Variants in GGTA1 observed in about 807,000 individuals in gnomAD.
GGTA1 encodes the protein glycoprotein alpha-galactosyltransferase 1 (inactive), also known as inactive N-acetyllactosaminide alpha-1,3-galactosyltransferase.
Under a neutral mutation model 2.6 loss-of-function variants are expected in GGTA1, and 5 were observed. The ratio of observed to expected loss-of-function variants is 1.92; its 90% CI spans 1.00 to 4.04. The LOEUF (loss-of-function observed/expected upper bound fraction) is 4.04. GGTA1 is among the 30% of genes most tolerant of loss of function. The pLI, the probability that GGTA1 is intolerant of heterozygous loss-of-function variation, is 0.00. For missense variants in GGTA1, 50 were observed against 16.7 expected (o/e 2.99, Z -3.47); for synonymous variants, 17 against 5.0 (o/e 3.38, Z -3.19).
chr9:121,459,412 G>T (rs529061337), intron 5 of GGTA1, among the ~76,000 whole-genome samples: 1 of 152,078 alleles, frequency 6.6e-6, no homozygotes, highest in East Asian at 1.9e-4. Context: ...CTCCAGCCTG[G>T]GTGACAGAGC....
chr9:121,496,950 T>C (rs575792641), intron 1 of GGTA1, among the ~76,000 whole-genome samples: 7 of 152,118 alleles, frequency 4.6e-5, no homozygotes, highest in African/African-American at 1.4e-4. Flanking sequence ...CCTACCACTT[T>C]GGGAGGCGGA....
At chr9:121,490,363 G>T (rs2118764984) in intron 1 of GGTA1, among the ~76,000 whole-genome samples, 1 of 152,246 alleles carries the variant, frequency 6.6e-6, no homozygotes, top group South Asian at 2.1e-4. Flanking sequence ...CACTCTGAAT[G>T]CACCCGATCT....
chr9:121,473,866 C>T (rs1016397315), intron 1 of GGTA1, among the ~76,000 whole-genome samples: 2 of 143,810 alleles, frequency 1.4e-5, no homozygotes, highest in Non-Finnish European at 3.0e-5. Flanking sequence ...TGCAGTGAGC[C>T]GTGATCAAGC....
At chr9:121,488,772 G>A (rs1282990487) in intron 1 of GGTA1, among the ~76,000 whole-genome samples, 1 of 152,154 alleles carries the variant, frequency 6.6e-6, no homozygotes, top group African/African-American at 2.4e-5. Flanking sequence ...AGCCAGGCAT[G>A]GTGGTGCATG....
chr9:121,455,239 T>C lies in GGTA1; in HGVS notation c.*598A>G, dbSNP rs374034721. ...CACCCACACAGCTGTCTTATACTTC[T>C]GTAACCATTTCTGAACTTAAAACTC... On this transcript the variant is annotated 3_prime_UTR_variant, in exon 6 of 6. Coordinates refer to ENST00000481799, the MANE Select transcript of GGTA1 (RefSeq NM_001382585.1). 6.6e-6 allele frequency: 1 copy of C among 152,224 alleles called. No homozygotes were observed. Among genetic ancestry groups the C allele is most frequent in the South Asian group, 2.1e-4 (1 of 4,828 alleles). 9.4% of individuals were successfully genotyped at this position (152,224 alleles called of 1,614,324 possible).
intron 1 of GGTA1, among the ~76,000 whole-genome samples, chr9:121,469,389 G>A (rs1383109399): frequency 6.6e-6 from 1 of 152,216 alleles, no homozygotes; most frequent in Admixed American, 6.5e-5. Context: ...CTGGATCCAA[G>A]GAGGGGTGCT....
intron 1 of GGTA1, among the ~76,000 whole-genome samples, chr9:121,489,159 G>A (rs1191902143): frequency 1.3e-5 from 2 of 151,994 alleles, no homozygotes; most frequent in Non-Finnish European, 2.9e-5. Context: ...AGGAACAAAG[G>A]TAATCATAAA....
chr9:121,469,627 A>G (rs1357382199), intron 1 of GGTA1, among the ~76,000 whole-genome samples: 1 of 152,172 alleles, frequency 6.6e-6, no homozygotes, highest in Non-Finnish European at 1.5e-5. Flanking sequence ...TGTATTGCAT[A>G]CATGTTTTTT....
intron 1 of GGTA1, among the ~76,000 whole-genome samples, chr9:121,477,530 C>A (rs564718417): frequency 1.3e-5 from 2 of 151,636 alleles, no homozygotes; most frequent in South Asian, 4.2e-4. Flanking sequence ...TTCTCATATT[C>A]CAGATACTTA....
intron 3 of GGTA1, chr9:121,462,792 C>G (rs1360100407): frequency 2.0e-5 from 3 of 152,560 alleles, no homozygotes. Context: ...CAGTTAAGTG[C>G]AATACTTTGT....
At chr9:121,494,364 C>T (rs900779275) in intron 1 of GGTA1, among the ~76,000 whole-genome samples, 4 of 152,240 alleles carry the variant, frequency 2.6e-5, no homozygotes, top group African/African-American at 7.2e-5. Flanking sequence ...TGGAAACTCT[C>T]ATGGCCGGGT....
At chr9:121,451,273 C>G (rs1263621862), downstream of GGTA1, among the ~76,000 whole-genome samples, 2 of 152,186 alleles carry the variant, frequency 1.3e-5, no homozygotes, top group African/African-American at 4.8e-5. Flanking sequence ...GCAACCTCCG[C>G]CTCCCAGGTT....
chr9:121,479,686 A>G (rs960176183), intron 1 of GGTA1, among the ~76,000 whole-genome samples: 1 of 150,466 alleles, frequency 6.6e-6, no homozygotes, highest in Non-Finnish European at 1.5e-5. Context: ...CCACCAGCCA[A>G]TGGAGACGTT....
At chr9:121,484,382 C>G (rs7025103) in intron 1 of GGTA1, among the ~76,000 whole-genome samples, 1 of 151,802 alleles carries the variant, frequency 6.6e-6, no homozygotes, top group Admixed American at 6.6e-5. Flanking sequence ...TTTTTTGAGA[C>G]GGAGTCTCGC....
Position 121,461,284 on chromosome 9 carries a change from CT to C in GGTA1, c.149del (p.Lys50ArgfsTer6), listed in dbSNP as rs1564651903. On this transcript the variant is annotated frameshift_variant, in exon 4 of 6. Transcript: ENST00000481799. LOFTEE classifies it high-confidence loss of function. Reference sequence around the variant, plus strand: ...TAAACCAGCTCAGAAACCACCAGCCCTTCTGAGCACTGCTGTCATCAACTTC... The same window carrying C: ...TAAACCAGCTCAGAAACCACCAGCCCTCTGAGCACTGCTGTCATCAACTTC... ...NPEVDDSSAQ[K>X]GWWFLSWFNN... 2.2e-6 allele frequency: 1 copy of C among 456,588 alleles called. No homozygotes were observed. The highest frequency in any genetic ancestry group is 4.4e-6 in the Non-Finnish European group (1 of 226,942). 28.3% of individuals were successfully genotyped at this position (456,588 alleles called of 1,614,324 possible).
intron 1 of GGTA1, among the ~76,000 whole-genome samples, chr9:121,485,625 C>T (rs1448588514): frequency 1.1e-4 from 17 of 152,122 alleles, no homozygotes; most frequent in Non-Finnish European, 2.9e-5. Context: ...AGGCCGGGCT[C>T]TGGAGAAAAA....
chr9:121,471,892 T>C (rs1041909886), intron 1 of GGTA1, among the ~76,000 whole-genome samples: 11 of 152,316 alleles, frequency 7.2e-5, no homozygotes, highest in Middle Eastern at 3.4e-3. Flanking sequence ...AGTCTTAGTT[T>C]CGGGTGCAAA....
chr9:121,482,085 G>A (rs1284580600), intron 1 of GGTA1, among the ~76,000 whole-genome samples: 1 of 152,010 alleles, frequency 6.6e-6, no homozygotes, highest in Non-Finnish European at 1.5e-5. Context: ...TTCCCCGCTA[G>A]GGCCACAGGA....
intron 1 of GGTA1, among the ~76,000 whole-genome samples, chr9:121,488,391 T>G (rs1356251692): frequency 6.6e-6 from 1 of 152,146 alleles, no homozygotes. Flanking sequence ...GATTCAGCTC[T>G]GAACCAAACG....
Sources: gnomAD v4.1 joint callset for allele counts (sites outside exome capture counted in the v4.1 genomes callset) on GRCh38, gnomAD v4.1.1 for gene constraint, MANE v1.5 for transcripts, NCBI Gene and HGNC (gene_info 2026-07-23, HGNC 2026-07-21) for gene names.